The following DIP2C variants were observed in gnomAD, a reference collection of about 807,000 sequenced individuals.
The protein encoded by DIP2C is disco-interacting protein 2 homolog C.
A neutral mutation model predicts 192.4 loss-of-function variants in DIP2C; 33 were observed. The observed-to-expected ratio is 0.17, with a 90% CI of 0.13 to 0.23. DIP2C has a LOEUF of 0.23. Among genes scored for constraint, DIP2C ranks in the 10% least tolerant of loss-of-function variants. DIP2C has a pLI of 1.00. For missense variants in DIP2C, 1,537 were observed against 2,110.1 expected (o/e 0.73, Z 5.32); for synonymous variants, 979 against 864.1 (o/e 1.13, Z -2.33).
At chr10:314,168 G>T (rs368980133) in intron 31 of DIP2C, among the ~76,000 whole-genome samples, 1 of 152,160 alleles carries the variant, frequency 6.6e-6, no homozygotes, top group Non-Finnish European at 1.5e-5. Context: ...TTTTATATTT[G>T]CATTAAAATC....
rs1012272301 is a variant in DIP2C, at chr10:399,699, C to G, written c.1150-480G>C. Among the ~76,000 whole-genome samples, 12 of 152,192 alleles carry G rather than the reference C, an allele frequency of 7.9e-5. No homozygotes were observed. The South Asian group carries it at 1.5e-3, about 18-fold the overall frequency. The stretch of plus-strand genomic sequence containing the variant: ...CTGAAAAGTGAGAATAATGATAGAG[C>G]TGATGTCTTAATGCGGTGGTCAAGG... On this transcript the variant is annotated intron_variant, in intron 9 of 36. Coordinates refer to ENST00000280886, the MANE Select transcript of DIP2C (RefSeq NM_014974.3).
intron 2 of DIP2C, among the ~76,000 whole-genome samples, chr10:485,111 C>T (rs916943353): frequency 1.3e-5 from 2 of 152,260 alleles, no homozygotes; most frequent in Non-Finnish European, 2.9e-5. Context: ...CCAGGGCCAC[C>T]GCGGGAGGCA....
intron 1 of DIP2C, among the ~76,000 whole-genome samples, chr10:489,252 T>C (rs1013870401): frequency 7.2e-5 from 11 of 152,228 alleles, no homozygotes; most frequent in Non-Finnish European, 1.3e-4. Context: ...CAGATTCCCA[T>C]GATAGACTCG....
At chr10:650,795 G>C (rs1855833879) in intron 1 of DIP2C, 5 of 681,054 alleles carry the variant, frequency 7.3e-6, no homozygotes, top group Non-Finnish European at 1.1e-5. Flanking sequence ...CAGAATCCTG[G>C]CTGATCCACC....
At position 414,933 on chromosome 10, in the gene DIP2C, G is replaced by C. The variant is rs535444200; in HGVS notation, c.860-823C>G. ...TTTTTTTTTTTTTTGGTAGAGACAG[G>C]GTTTTGCCATATTGCCCAGGCTGGT... is the stretch of plus-strand genomic sequence containing the variant. On this transcript the variant is annotated intron_variant, in intron 7 of 36. Coordinates refer to ENST00000280886, the MANE Select transcript of DIP2C (RefSeq NM_014974.3). Among the ~76,000 whole-genome samples the C allele has an allele frequency of 1.4e-3, 191 of 135,184 alleles. 1 individual carries two copies. The highest frequency in any genetic ancestry group is 8.9e-3 in the South Asian group (37 of 4,174). 88.7% of individuals were successfully genotyped at this position (135,184 alleles called of 152,430 possible).
At chr10:393,732 T>C (rs1266590149) in intron 10 of DIP2C, among the ~76,000 whole-genome samples, 2 of 140,454 alleles carry the variant, frequency 1.4e-5, no homozygotes, top group African/African-American at 5.5e-5. Context: ...TGAGCAGAGA[T>C]TGCGTCACTG....
At chr10:548,211 C>CCCG (rs927731668) in intron 1 of DIP2C, among the ~76,000 whole-genome samples, 1 of 108,426 alleles carries the variant, frequency 9.2e-6, no homozygotes, top group African/African-American at 3.3e-5. Context: ...CTGCCCCACC[C>CCCG]CCCCCCCCAC....
At chr10:529,033 G>T (rs1012837480) in intron 1 of DIP2C, among the ~76,000 whole-genome samples, 3 of 152,234 alleles carry the variant, frequency 2.0e-5, no homozygotes, top group African/African-American at 7.2e-5. Flanking sequence ...CCAGTGACCT[G>T]TGAGGACGGC....
At chr10:580,091 GCACAT>G (rs1850510104) in intron 1 of DIP2C, among the ~76,000 whole-genome samples, 1 of 152,026 alleles carries the variant, frequency 6.6e-6, no homozygotes, top group Non-Finnish European at 1.5e-5. Flanking sequence ...GCATACACAT[GCACAT>G]TTGTATGTAC....
chr10:528,429 G>A (rs73581620), intron 1 of DIP2C, among the ~76,000 whole-genome samples: 23,889 of 143,294 alleles, frequency 0.17, 3,002 homozygotes, highest in African/African-American at 0.38. Context: ...AACGCAGACC[G>A]CCCGCTGCTC....
chr10:602,169 TAC>T (rs773314056), intron 1 of DIP2C, among the ~76,000 whole-genome samples: 15 of 152,292 alleles, frequency 9.8e-5, no homozygotes, highest in Admixed American at 4.6e-4. Context: ...CCAAGGTTTT[TAC>T]AGTCTGAAGA....
chr10:591,989 C>T (rs866580134), intron 1 of DIP2C, among the ~76,000 whole-genome samples: 4 of 152,206 alleles, frequency 2.6e-5, no homozygotes, highest in Admixed American at 6.5e-5. Flanking sequence ...CGCCAGAAAA[C>T]CATATTCAAG....
At chr10:479,720 A>G (rs1365654803) in intron 2 of DIP2C, among the ~76,000 whole-genome samples, 1 of 152,044 alleles carries the variant, frequency 6.6e-6, no homozygotes, top group Non-Finnish European at 1.5e-5. Context: ...CCCTTTTCCT[A>G]TTATAATGTT....
intron 1 of DIP2C, among the ~76,000 whole-genome samples, chr10:646,621 G>A (rs536584313): frequency 2.0e-5 from 3 of 152,300 alleles, no homozygotes; most frequent in East Asian, 1.9e-4. Flanking sequence ...TGGCTATAAC[G>A]TACATTAATT....
intron 26 of DIP2C, among the ~76,000 whole-genome samples, chr10:347,434 G>C (rs1362129244): frequency 1.3e-4 from 16 of 127,098 alleles, no homozygotes; most frequent in South Asian, 2.6e-4. Context: ...TCCCGGAAAC[G>C]TCACACGCAC....
At chr10:419,289 A>G in intron 5 of DIP2C, 90 bp from the exon 6 acceptor site, 2 of 1,572,030 alleles carry the variant, frequency 1.3e-6, no homozygotes, top group Non-Finnish European at 8.7e-7. Flanking sequence ...AGACTGAAGC[A>G]CAGGTGCTCA....
chr10:483,448 G>A (rs764755843), intron 2 of DIP2C, among the ~76,000 whole-genome samples: 11 of 152,226 alleles, frequency 7.2e-5, no homozygotes, highest in Non-Finnish European at 2.9e-5. Context: ...CACAAGCAAC[G>A]TCTCCAAATG....
At chr10:537,250 A>AT in intron 1 of DIP2C, among the ~76,000 whole-genome samples, 1 of 152,080 alleles carries the variant, frequency 6.6e-6, no homozygotes. Flanking sequence ...AGGCAGTGGG[A>AT]TCTAGAGCCC....
intron 2 of DIP2C, among the ~76,000 whole-genome samples, chr10:482,535 C>A (rs576651003): frequency 1.3e-5 from 2 of 152,306 alleles, no homozygotes; most frequent in East Asian, 3.9e-4. Context: ...GGGCATCAAG[C>A]TGTCCGGCTA....
Sources: allele counts gnomAD v4.1 joint callset (sites outside exome capture counted in the v4.1 genomes callset), GRCh38; gene constraint gnomAD v4.1.1; transcripts MANE v1.5; gene names NCBI Gene and HGNC (gene_info 2026-07-23, HGNC 2026-07-21).